MYSM1: variants seen among roughly 807,000 people sequenced by gnomAD.
MYSM1 encodes the protein deubiquitinase MYSM1.
A neutral mutation model predicts 116.0 loss-of-function variants in MYSM1; 51 were observed. The observed-to-expected ratio is 0.44, with a 90% confidence interval of 0.35 to 0.56. The LOEUF (loss-of-function observed/expected upper bound fraction) is 0.56, where lower values mean the gene tolerates loss of function less well. MYSM1 is among the 20% of genes least tolerant of loss of function. The probability of loss-of-function intolerance (pLI) is 0.00; values close to 1 mark genes in which losing one functional copy is unlikely to be tolerated. For missense variants in MYSM1, 900 were observed against 974.9 expected, an observed-to-expected ratio of 0.92 and a Z score of 1.02; for synonymous variants, 313 against 315.2, an observed-to-expected ratio of 0.99 and a Z score of 0.07.
chr1:58,668,541 C>A, intron 14 of MYSM1, 91 bp downstream of exon 14: 1 of 1,442,054 alleles, frequency 6.9e-7, no homozygotes. Context: ...ATCCAAAATA[C>A]ACGTCTTCCA....
At chr1:58,694,019 T>C (rs1255262064) in intron 2 of MYSM1, among the ~76,000 whole-genome samples, 1 of 152,192 alleles carries the variant, frequency 6.6e-6, no homozygotes, top group African/African-American at 2.4e-5. Flanking sequence ...TAGTTGCTGT[T>C]CCTTCTGCCT....
intron 8 of MYSM1, 54 bp from the exon 9 acceptor site, chr1:58,677,110 G>GT: frequency 6.8e-7 from 1 of 1,474,432 alleles, no homozygotes; most frequent in South Asian, 1.2e-5. Context: ...CGTGAAAAAA[G>GT]ATTTCTGGGG....
At position 58,674,926 on chromosome 1, in the gene MYSM1, CAAAAAAA is replaced by C. The variant is rs1223507192; in HGVS notation, c.1494+544_1494+550del. On this transcript the variant is annotated intron_variant, in intron 10 of 19. Transcript: ENST00000472487. Reference sequence around the variant, plus strand: ...TGGGTGACACAGCGAGACTCTGTCTCAAAAAAAAAAAAAAAAGAAAAAAAAAGTGTTG... The same window carrying C: ...TGGGTGACACAGCGAGACTCTGTCTCAAAAAAAAAGAAAAAAAAAGTGTTG... Among the ~76,000 whole-genome samples, 8 of 58,136 alleles carry C rather than the reference CAAAAAAA, an allele frequency of 1.4e-4. No homozygotes were observed. In the South Asian group the frequency reaches 4.4e-3, roughly 32 times the overall value. The allele number at this position is 58,136 out of a possible 152,430, so 38.1% of individuals were successfully genotyped here.
At chr1:58,683,423 G>A (rs1644778282) in intron 7 of MYSM1, among the ~76,000 whole-genome samples, 1 of 152,016 alleles carries the variant, frequency 6.6e-6, no homozygotes, top group African/African-American at 2.4e-5. Flanking sequence ...GTCTTTTGCA[G>A]GCTTATTTAA....
chr1:58,698,102 A>ATATATATATATATATATATATTT, intron 1 of MYSM1, among the ~76,000 whole-genome samples: 1 of 7,772 alleles, frequency 1.3e-4, no homozygotes, highest in Admixed American at 2.1e-3. Flanking sequence ...ATATATATAT[A>ATATATATATATATATATATATTT]TTTTTTTTTT....
In MYSM1 at chr1:58,668,506, T is replaced by C. The variant is rs1019873922; in HGVS notation, c.1767+126A>G. 11 of 1,372,676 alleles carry C rather than the reference T, an allele frequency of 8.0e-6. No individual in the cohort carries two copies. The East Asian group carries it at 2.1e-4, about 26-fold the overall frequency. The allele number at this position is 1,372,676 out of a possible 1,614,324, so 85.0% of individuals were successfully genotyped here. A position where few individuals can be genotyped will look rare whatever the true frequency, so the allele number is the denominator to read the frequency against. ...CCAAAAGAAAAGACTTATTTTTAGA[T>C]TCCTTGTAAAAGAGGACAGTTAAGA... On this transcript the variant is annotated intron_variant, in intron 14 of 19. Transcript: ENST00000472487.
intron 19 of MYSM1, 28 bp downstream of exon 19, chr1:58,661,142 G>A (rs1459347255): frequency 6.4e-7 from 1 of 1,571,490 alleles, no homozygotes; most frequent in Non-Finnish European, 8.8e-7. Flanking sequence ...TGTGAACAAT[G>A]GAACCAATTA....
Sources: gnomAD v4.1 joint callset for allele counts (sites outside exome capture counted in the v4.1 genomes callset) on GRCh38, gnomAD v4.1.1 for gene constraint, MANE v1.5 for transcripts, NCBI Gene and HGNC (gene_info 2026-07-23, HGNC 2026-07-21) for gene names.